The following TTC23 variants were observed in gnomAD, a reference collection of about 807,000 sequenced individuals.
TTC23 encodes the protein tetratricopeptide repeat protein 23.
In TTC23, 58 loss-of-function variants were observed where a neutral mutation model predicts 55.1. The ratio of observed to expected loss-of-function variants is 1.05; its 90% confidence interval spans 0.85 to 1.31. The LOEUF (loss-of-function observed/expected upper bound fraction) is 1.31, where lower values mean the gene tolerates loss of function less well. Among genes scored for constraint, TTC23 ranks in the 50% most tolerant of loss-of-function variants. TTC23 has a pLI of 0.00. For missense variants in TTC23, 516 were observed against 534.4 expected (o/e 0.97, Z 0.34); for synonymous variants, 203 against 199.9 (o/e 1.02, Z -0.13).
chr15:99,222,991 C>T (rs375713467), intron 5 of TTC23, among the ~76,000 whole-genome samples: 1 of 152,298 alleles, frequency 6.6e-6, no homozygotes, highest in South Asian at 2.1e-4. Context: ...AGCGAGACTC[C>T]GTCTCAAAAC....
rs574967469 is a variant in TTC23 at position 99,139,383 on chromosome 15, G to A, written c.1160C>T (p.Thr387Ile). The A allele has an allele frequency of 3.8e-5, 61 of 1,614,144 alleles. No homozygotes were observed. In the South Asian group the frequency reaches 6.4e-4, roughly 17 times the overall value. Reference protein sequence around the residue: ...KKLKKCLQIQTLLYGPQDKRT... With the variant: ...KKLKKCLQIQILLYGPQDKRT... ...TTTGTCCTGCGGTCCATATAAGAGG[G>A]TCTGGATCTGGAGACACTGTAGAAC... is the stretch of plus-strand genomic sequence containing the variant. The change falls in exon 13 of 14, where the codon ACC (threonine) becomes ATC (isoleucine). Residue 387 changes from threonine to isoleucine, a missense_variant. Thr to Ile is a moderately conservative substitution (Grantham distance 89). Coordinates refer to ENST00000394132, the MANE Select transcript of TTC23 (RefSeq NM_001288615.3).
chr15:99,190,319 C>A (rs1433634893), intron 9 of TTC23, among the ~76,000 whole-genome samples: 1 of 148,234 alleles, frequency 6.7e-6, no homozygotes, highest in East Asian at 2.0e-4. Flanking sequence ...GTCACCCAGG[C>A]TGGAGTGCAG....
At chr15:99,157,540 T>C (rs929671209) in intron 11 of TTC23, 1 of 152,170 alleles carries the variant, frequency 6.6e-6, no homozygotes, top group Non-Finnish European at 1.5e-5. Flanking sequence ...GTCCCATGCT[T>C]TTCTCCCTCT....
chr15:99,144,244 CAGTT>C (rs1332525549), intron 12 of TTC23, among the ~76,000 whole-genome samples: 5 of 152,184 alleles, frequency 3.3e-5, no homozygotes, highest in African/African-American at 7.2e-5. Flanking sequence ...TAGGTGCCGT[CAGTT>C]AGCCATCCTC....
chr15:99,185,360 A>C (rs2074565745), intron 9 of TTC23, among the ~76,000 whole-genome samples: 1 of 152,210 alleles, frequency 6.6e-6, no homozygotes. Context: ...ATGTGGGAGC[A>C]CTGAGCAGCC....
At chr15:99,213,824 G>C (rs1440305520) in intron 8 of TTC23, among the ~76,000 whole-genome samples, 1 of 152,016 alleles carries the variant, frequency 6.6e-6, no homozygotes, top group Non-Finnish European at 1.5e-5. Context: ...CCAACTCTTG[G>C]CTATTACAAA....
intron 10 of TTC23, 142 bp downstream of exon 10, chr15:99,174,907 AG>A: frequency 1.6e-6 from 1 of 635,002 alleles, no homozygotes; most frequent in Non-Finnish European, 2.7e-6. Context: ...AGAGTAGCAT[AG>A]GGGCAGATGA....
At chr15:99,138,874 C>T (rs2151822370) in intron 13 of TTC23, among the ~76,000 whole-genome samples, 1 of 152,324 alleles carries the variant, frequency 6.6e-6, no homozygotes, top group South Asian at 2.1e-4. Context: ...TGAGGTAGGC[C>T]CTCCACGGCA....
intron 4 of TTC23, among the ~76,000 whole-genome samples, chr15:99,230,177 G>C (rs904012325): frequency 6.6e-6 from 1 of 151,954 alleles, no homozygotes; most frequent in Non-Finnish European, 1.5e-5. Context: ...TGTTTAAAAA[G>C]TTAAATAAAG....
intron 2 of TTC23, 149 bp from the exon 3 acceptor site, chr15:99,241,708 A>G (rs2079812772): frequency 6.6e-6 from 1 of 152,442 alleles, no homozygotes; most frequent in Admixed American, 6.5e-5. Flanking sequence ...TATAGGTGCC[A>G]ACTAGGCTGG....
intron 9 of TTC23, among the ~76,000 whole-genome samples, 168 bp from the exon 10 acceptor site, chr15:99,175,323 G>T (rs1388984743): frequency 2.0e-5 from 3 of 152,248 alleles, no homozygotes; most frequent in Admixed American, 2.0e-4. Flanking sequence ...GATTTTAAAA[G>T]GTCTGAGTGG....
chr15:99,150,702 T>C (rs764927493), intron 12 of TTC23, among the ~76,000 whole-genome samples: 32 of 152,248 alleles, frequency 2.1e-4, no homozygotes, highest in Non-Finnish European at 2.8e-4. Context: ...AATGATCATG[T>C]GTAAAAAACG....
intron 3 of TTC23, among the ~76,000 whole-genome samples, chr15:99,240,282 T>C (rs1372873341): frequency 6.6e-6 from 1 of 152,236 alleles, no homozygotes; most frequent in East Asian, 1.9e-4. Context: ...TTTTCTTTTT[T>C]GGCTTAATTG....
At chr15:99,175,583 A>G (rs1433274707) in intron 9 of TTC23, among the ~76,000 whole-genome samples, 2 of 152,224 alleles carry the variant, frequency 1.3e-5, no homozygotes, top group East Asian at 3.8e-4. Flanking sequence ...CCACAGATAT[A>G]CAGACCCCTC....
intron 11 of TTC23, among the ~76,000 whole-genome samples, chr15:99,161,372 T>G (rs1421038055): frequency 6.6e-6 from 1 of 152,180 alleles, no homozygotes; most frequent in Non-Finnish European, 1.5e-5. Flanking sequence ...CTGCACCGTA[T>G]AGTTTTCCTT....
At position 99,143,007 on chromosome 15, in the gene TTC23, TACTAAGGAG is replaced by T. The variant is rs58118805; in HGVS notation, c.1144-3617_1144-3609del. Among the ~76,000 whole-genome samples, 867 of 152,322 alleles carry T rather than the reference TACTAAGGAG, an allele frequency of 5.7e-3. 3 individuals carry two copies. Among genetic ancestry groups the T allele is most frequent in the African/African-American group, 0.019 (806 of 41,568 alleles). ...TGTTTCCCCTAAGGTTACTTATCCT[TACTAAGGAG>T]ATTTGTCCAAAATTCCAGCTGAAGT... is the stretch of plus-strand genomic sequence containing the variant. On this transcript the variant is annotated intron_variant, in intron 12 of 13. Transcript: ENST00000394132.
intron 10 of TTC23, among the ~76,000 whole-genome samples, chr15:99,171,175 C>A (rs2072874595): frequency 6.6e-6 from 1 of 152,214 alleles, no homozygotes; most frequent in African/African-American, 2.4e-5. Context: ...CATTGACTCA[C>A]CTTTAAGGCC....
chr15:99,247,736 T>TTAGGATGATGAAAATTTTTTAAATTTTC (rs2080377246), intron 1 of TTC23, among the ~76,000 whole-genome samples: 1 of 54,636 alleles, frequency 1.8e-5, no homozygotes, highest in Non-Finnish European at 4.1e-5. Flanking sequence ...AAGTATTTTT[T>TTAGGATGATGAAAATTTTTTAAATTTTC]TAGGATGATG....
At chr15:99,180,752 T>A (rs2074037086) in intron 9 of TTC23, among the ~76,000 whole-genome samples, 1 of 152,182 alleles carries the variant, frequency 6.6e-6, no homozygotes. Flanking sequence ...AATTTGGGGT[T>A]CAGTGACAGA....
Sources: gnomAD v4.1 joint callset for allele counts (sites outside exome capture counted in the v4.1 genomes callset) on GRCh38, gnomAD v4.1.1 for gene constraint, MANE v1.5 for transcripts, NCBI Gene and HGNC (gene_info 2026-07-23, HGNC 2026-07-21) for gene names.